Variants in TMEM114 observed in about 807,000 individuals in gnomAD.
TMEM114 encodes the protein claudin-26.
A neutral mutation model predicts 6.2 loss-of-function variants in TMEM114; 6 were observed. That is an observed-to-expected ratio of 0.97 (90% confidence interval 0.53 to 1.91). The LOEUF (loss-of-function observed/expected upper bound fraction) is 1.91. Ranked by LOEUF, TMEM114 falls within the 40% of genes most tolerant of loss-of-function variation. The probability of loss-of-function intolerance (pLI) is 0.01; values close to 1 mark genes in which losing one functional copy is unlikely to be tolerated. For missense variants in TMEM114, 218 were observed against 158.3 expected (o/e 1.38, Z -2.02); for synonymous variants, 104 against 73.0 (o/e 1.42, Z -2.16).
At chr16:8,570,078 T>A in intron 3 of TMEM114, 73 bp from the exon 4 acceptor site, 3 of 1,486,712 alleles carry the variant, frequency 2.0e-6, no homozygotes, top group Non-Finnish European at 9.0e-7. Context: ...CTCCTCGCCC[T>A]GCCCAGCCAC....
the TMEM114 span, among the ~76,000 whole-genome samples, chr16:8,527,881 C>T: frequency 1.3e-5 from 2 of 152,144 alleles, no homozygotes; most frequent in African/African-American, 4.8e-5. Flanking sequence ...GACTGGGTCT[C>T]TAGTTTCATG....
At chr16:8,549,931 TG>T (rs1293957335) in intron 2 of TMEM114, among the ~76,000 whole-genome samples, 1 of 152,182 alleles carries the variant, frequency 6.6e-6, no homozygotes, top group Non-Finnish European at 1.5e-5. Flanking sequence ...AAGCCAGTAG[TG>T]GCTCAGTCCG....
In TMEM114 at chr16:8,590,068, TCCCAC is replaced by T. The variant is rs1448129128; in HGVS notation, c.-235_-231del. 1 of 373,084 alleles carries T rather than the reference TCCCAC, an allele frequency of 2.7e-6. No homozygotes were observed. The highest frequency in any genetic ancestry group is 2.1e-5 in the African/African-American group (1 of 47,410). The allele number at this position is 373,084 out of a possible 1,614,324, so 23.1% of individuals were successfully genotyped here. A position where few individuals can be genotyped will look rare whatever the true frequency, so the allele number is the denominator to read the frequency against. On this transcript the variant is annotated 5_prime_UTR_variant, in exon 1 of 4. Transcript: ENST00000620492. ...CCCCCCGCTCAGCCGCCGTCCACGT[TCCCAC>T]CCCTCCAATGCCAGCTCTACCTGCA...
chr16:8,528,585 G>A, the TMEM114 span, among the ~76,000 whole-genome samples: 1 of 152,152 alleles, frequency 6.6e-6, no homozygotes, highest in Non-Finnish European at 1.5e-5. Context: ...CAGAGTGAAT[G>A]ACTCTCTCTC....
downstream of TMEM114, among the ~76,000 whole-genome samples, chr16:8,565,990 G>A (rs894318354): frequency 6.6e-6 from 1 of 152,204 alleles, no homozygotes; most frequent in Non-Finnish European, 1.5e-5. Context: ...GGACAAGACA[G>A]AATGGAACAG....
chr16:8,563,814 T>TGAGG (rs1901393010), intron 2 of TMEM114, among the ~76,000 whole-genome samples: 1 of 20,024 alleles, frequency 5.0e-5, no homozygotes, highest in South Asian at 1.1e-3. Flanking sequence ...AGGGAGGGAA[T>TGAGG]GAGTGAGTGA....
chr16:8,587,054 G>C (rs1382908580), intron 2 of TMEM114, among the ~76,000 whole-genome samples: 1 of 152,072 alleles, frequency 6.6e-6, no homozygotes, highest in Non-Finnish European at 1.5e-5. Flanking sequence ...TCATGTTGGT[G>C]TCTTGAAATT....
chr16:8,534,691 G>C (rs761401479), downstream of TMEM114, among the ~76,000 whole-genome samples: 1 of 152,220 alleles, frequency 6.6e-6, no homozygotes, highest in Non-Finnish European at 1.5e-5. Context: ...CTTTGAGCAA[G>C]TCCTTTGATC....
chr16:8,558,535 G>T (rs4349131), intron 2 of TMEM114, among the ~76,000 whole-genome samples: 1 of 151,882 alleles, frequency 6.6e-6, no homozygotes, highest in African/African-American at 2.4e-5. Context: ...TAATTACACC[G>T]GTAAAGACCG....
At chr16:8,558,951 G>T (rs201349635) in intron 2 of TMEM114, among the ~76,000 whole-genome samples, 19 of 151,564 alleles carry the variant, frequency 1.3e-4, no homozygotes, top group African/African-American at 4.4e-4. Flanking sequence ...CACCATGTTA[G>T]CCAGGATGGT....
Position 8,553,555 on chromosome 16 carries a change from G to A in TMEM114, n.213-15729C>T, listed in dbSNP as rs1221571896. Reference sequence around the variant, plus strand: ...GGCTGGAGTGCAGTGGCACGATCTCGACTCACTGCAAGCTCCACCTCCTGG... The same window carrying A: ...GGCTGGAGTGCAGTGGCACGATCTCAACTCACTGCAAGCTCCACCTCCTGG... On this transcript the variant is annotated intron_variant and non_coding_transcript_variant, in intron 2 of 2. Transcript: ENST00000623677. Among the ~76,000 whole-genome samples, 12 of 151,930 alleles carry A rather than the reference G, an allele frequency of 7.9e-5. No individual in the cohort carries two copies. In the South Asian group the frequency reaches 2.3e-3, roughly 29 times the overall value.
chr16:8,555,286 G>A (rs929397727), intron 2 of TMEM114, among the ~76,000 whole-genome samples: 3 of 152,256 alleles, frequency 2.0e-5, no homozygotes, highest in Non-Finnish European at 4.4e-5. Flanking sequence ...GAAAACAGCT[G>A]TATTGAGGAG....
intron 2 of TMEM114, among the ~76,000 whole-genome samples, chr16:8,544,665 G>C (rs535335434): frequency 6.6e-6 from 1 of 152,254 alleles, no homozygotes; most frequent in South Asian, 2.1e-4. Context: ...GTTTTACATA[G>C]GGGTACCCCT....
chr16:8,572,433 C>G, intron 2 of TMEM114: 1 of 611,204 alleles, frequency 1.6e-6, no homozygotes, highest in Non-Finnish European at 2.9e-6. Context: ...GTGCTTTGTT[C>G]TTGTTGTTTG....
chr16:8,566,374 C>G (rs1174315305), downstream of TMEM114, among the ~76,000 whole-genome samples: 1 of 20,334 alleles, frequency 4.9e-5, no homozygotes, highest in Non-Finnish European at 1.0e-4. Context: ...TAGACGCAGT[C>G]TCAAAAAAAA....
chr16:8,549,287 G>T (rs1397158945), intron 2 of TMEM114, among the ~76,000 whole-genome samples: 2 of 151,358 alleles, frequency 1.3e-5, no homozygotes, highest in African/African-American at 4.9e-5. Context: ...ATCACCTGAG[G>T]TCAGGAGTTC....
Position 8,539,448 on chromosome 16 carries a change from C to T in TMEM114, n.213-1622G>A, listed in dbSNP as rs971142248. The stretch of plus-strand genomic sequence containing the variant: ...CCTTCTCTCTCTGACCCTCATCAGA[C>T]CCAGAGGAGGGCTCTGCCTCCTGCA... On this transcript the variant is annotated intron_variant and non_coding_transcript_variant, in intron 2 of 2. Transcript: ENST00000623677. 3.9e-5 allele frequency among the ~76,000 whole-genome samples: 6 copies of T among 152,194 alleles called. No homozygotes were observed. In the South Asian group the frequency reaches 1.2e-3, roughly 32 times the overall value.
chr16:8,562,066 AAATGAGTGAGTGAATG>A (rs1206185780), intron 2 of TMEM114, among the ~76,000 whole-genome samples: 7 of 134,274 alleles, frequency 5.2e-5, no homozygotes, highest in African/African-American at 1.4e-4. Context: ...ATGAGTGAGT[AAATGAGTGAGTGAATG>A]AATGAGTGAG....
At chr16:8,533,700 T>A (rs1482430134), downstream of TMEM114, among the ~76,000 whole-genome samples, 8 of 152,194 alleles carry the variant, frequency 5.3e-5, no homozygotes, top group Non-Finnish European at 8.8e-5. Context: ...TTCAACTGAG[T>A]GTCCCATGAA....
Sources: gnomAD v4.1 joint callset for allele counts (sites outside exome capture counted in the v4.1 genomes callset) on GRCh38, gnomAD v4.1.1 for gene constraint, MANE v1.5 for transcripts, NCBI Gene and HGNC (gene_info 2026-07-23, HGNC 2026-07-21) for gene names.